FANCL: variants seen among roughly 807,000 people sequenced by gnomAD.
FANCL encodes the protein E3 ubiquitin-protein ligase FANCL.
In FANCL, 69 loss-of-function variants were observed where a neutral mutation model predicts 59.4. The observed-to-expected ratio is 1.16, with a 90% CI of 0.96 to 1.42. The LOEUF (loss-of-function observed/expected upper bound fraction) is 1.42, where lower values mean the gene tolerates loss of function less well. FANCL is among the 40% of genes most tolerant of loss of function. The pLI is 0.00. For synonymous variants in FANCL, 180 were observed against 147.1 expected (o/e 1.22, Z -1.62); for missense variants, 519 against 447.2 (o/e 1.16, Z -1.45).
chr2:58,225,482 G>T (rs1391057543), intron 4 of FANCL, among the ~76,000 whole-genome samples: 2 of 151,936 alleles, frequency 1.3e-5, no homozygotes, highest in African/African-American at 4.8e-5. Flanking sequence ...GGCAATGATT[G>T]TTATTAGAGG....
At chr2:58,196,419 T>C (rs1039309593) in intron 7 of FANCL, among the ~76,000 whole-genome samples, 6 of 152,078 alleles carry the variant, frequency 3.9e-5, no homozygotes, top group African/African-American at 1.4e-4. Flanking sequence ...TTGCTTAGAA[T>C]TTCAGTATAT....
At chr2:58,182,178 CTG>C (rs1232709528) in intron 7 of FANCL, among the ~76,000 whole-genome samples, 1 of 151,782 alleles carries the variant, frequency 6.6e-6, no homozygotes, top group Non-Finnish European at 1.5e-5. Context: ...TTATCAGTAA[CTG>C]TAACTTTTTC....
At chr2:58,239,028 T>C (rs188215817) in intron 1 of FANCL, among the ~76,000 whole-genome samples, 84 of 152,322 alleles carry the variant, frequency 5.5e-4, no homozygotes, top group Non-Finnish European at 9.6e-4. Flanking sequence ...ATTAAATAAA[T>C]GAGAAAGCAG....
At chr2:58,203,047 C>T (rs1022455089) in intron 6 of FANCL, among the ~76,000 whole-genome samples, 5 of 149,742 alleles carry the variant, frequency 3.3e-5, no homozygotes, top group Non-Finnish European at 4.5e-5. Flanking sequence ...AAAAAGCACA[C>T]TTTTACAAAC....
intron 1 of FANCL, among the ~76,000 whole-genome samples, chr2:58,236,406 G>A (rs11889211): frequency 0.21 from 32,341 of 151,102 alleles, 3,936 homozygotes; most frequent in African/African-American, 0.33. Flanking sequence ...CTAATATTAC[G>A]TTAAGGCAGA....
intron 8 of FANCL, among the ~76,000 whole-genome samples, 186 bp downstream of exon 8, chr2:58,165,538 C>G (rs1685820830): frequency 6.6e-6 from 1 of 152,300 alleles, no homozygotes; most frequent in South Asian, 2.1e-4. Context: ...TGAAACACCT[C>G]AGTACTTCTC....
In FANCL at chr2:58,186,300, A is replaced by G. The variant is rs112644562; in HGVS notation, c.540+12294T>C. ...CTTTAAGAAGGTAAATTTCTGGGCC[A>G]TAAGTATGATTGGTATATTTGGACC... On this transcript the variant is annotated intron_variant, in intron 7 of 13. Transcript: ENST00000233741. 1.4e-3 allele frequency among the ~76,000 whole-genome samples: 208 copies of G among 152,266 alleles called. 3 individuals are homozygous for G. The highest frequency in any genetic ancestry group is 4.7e-3 in the African/African-American group (195 of 41,536).
At chr2:58,174,379 T>C (rs1005228722) in intron 7 of FANCL, among the ~76,000 whole-genome samples, 12 of 152,066 alleles carry the variant, frequency 7.9e-5, no homozygotes, top group South Asian at 4.1e-4. Flanking sequence ...ATCGACCACA[T>C]AGTTGGAAAT....
chr2:58,161,262 ATG>A (rs1165298249), intron 12 of FANCL, among the ~76,000 whole-genome samples: 2 of 151,980 alleles, frequency 1.3e-5, no homozygotes, highest in Non-Finnish European at 2.9e-5. Flanking sequence ...TTAATTTGTT[ATG>A]TGTCAATAAG....
chr2:58,235,440 G>A (rs569350917), intron 1 of FANCL, among the ~76,000 whole-genome samples: 18 of 152,102 alleles, frequency 1.2e-4, no homozygotes, highest in African/African-American at 4.3e-4. Flanking sequence ...AACTACCTTA[G>A]ACTAAAGTCT....
At chr2:58,240,909 A>C (rs1455504871) in intron 1 of FANCL, among the ~76,000 whole-genome samples, 16 of 152,218 alleles carry the variant, frequency 1.1e-4, no homozygotes, top group Admixed American at 1.0e-3. Flanking sequence ...AAAAATTAAA[A>C]AACAGTCAAT....
intron 5 of FANCL, among the ~76,000 whole-genome samples, chr2:58,206,339 T>A (rs1419309077): frequency 1.3e-5 from 2 of 152,072 alleles, no homozygotes; most frequent in African/African-American, 2.4e-5. Flanking sequence ...TTTAGAAACA[T>A]GGAAGTTGTA....
At chr2:58,175,861 C>G (rs1300460196) in intron 7 of FANCL, among the ~76,000 whole-genome samples, 1 of 151,852 alleles carries the variant, frequency 6.6e-6, no homozygotes, top group East Asian at 1.9e-4. Context: ...TTGCAGACGA[C>G]ATGATTGTAT....
Position 58,165,755 on chromosome 2 carries a change from T to C in FANCL, c.660A>G (p.Pro220=), listed in dbSNP as rs1286509645. The C allele has an allele frequency of 1.2e-6, 2 of 1,613,988 alleles. No individual in the cohort carries two copies. The highest frequency in any genetic ancestry group is 1.7e-6 in the Non-Finnish European group (2 of 1,179,978). The change falls in exon 8 of 14, where the codon CCA becomes CCG. Residue 220 remains proline, a synonymous_variant. Transcript: ENST00000233741. ...KTWVLEPEKP[P]RSATARRIAL... The stretch of plus-strand genomic sequence containing the variant: ...CAATTCTGCGTGCTGTTGCACTCCG[T>C]GGAGGTTTTTCTGGCTCAAGTACCC...
chr2:58,191,696 T>C lies in FANCL; in HGVS notation c.540+6898A>G, dbSNP rs1038210096. ...TAGATAATAATTGCTGTCTGACAGA[T>C]ATGTGTGTATAAATCCACAAATATA... On this transcript the variant is annotated intron_variant, in intron 7 of 13. Transcript: ENST00000233741. 2.6e-4 allele frequency among the ~76,000 whole-genome samples: 39 copies of C among 151,868 alleles called. 1 individual carries two copies. Among genetic ancestry groups the C allele is most frequent in the African/African-American group, 9.4e-4 (39 of 41,406 alleles).
At chr2:58,232,179 G>T (rs985387822) in intron 1 of FANCL, 67 bp from the exon 2 acceptor site, 78 of 1,247,330 alleles carry the variant, frequency 6.3e-5, no homozygotes, top group Non-Finnish European at 8.8e-5. Flanking sequence ...AAGTTAAACA[G>T]AATCACAAAG....
At chr2:58,224,106 T>G (rs940094987) in intron 4 of FANCL, among the ~76,000 whole-genome samples, 3 of 151,792 alleles carry the variant, frequency 2.0e-5, no homozygotes, top group Non-Finnish European at 4.4e-5. Context: ...GATCTCAAAA[T>G]TTTATTTTAG....
At chr2:58,238,759 T>C (rs1355635838) in intron 1 of FANCL, among the ~76,000 whole-genome samples, 2 of 152,090 alleles carry the variant, frequency 1.3e-5, no homozygotes, top group Non-Finnish European at 2.9e-5. Context: ...AAAAGGACCT[T>C]CCACGAGAAA....
At chr2:58,169,825 G>A (rs1573548831) in intron 7 of FANCL, among the ~76,000 whole-genome samples, 3 of 152,004 alleles carry the variant, frequency 2.0e-5, no homozygotes, top group Non-Finnish European at 4.4e-5. Flanking sequence ...TCAACTTAAT[G>A]AAATAAAGTG....
Sources: gnomAD v4.1 joint callset for allele counts (sites outside exome capture counted in the v4.1 genomes callset) on GRCh38, gnomAD v4.1.1 for gene constraint, MANE v1.5 for transcripts, NCBI Gene and HGNC (gene_info 2026-07-23, HGNC 2026-07-21) for gene names.